FNBP1: variants seen among roughly 807,000 people sequenced by gnomAD.
FNBP1 encodes formin-binding protein 1.
Under a neutral mutation model 90.6 loss-of-function variants are expected in FNBP1, and 26 were observed. The observed-to-expected ratio is 0.29, with a 90% CI of 0.21 to 0.40. The LOEUF is 0.40. Ranked by LOEUF, FNBP1 falls within the 10% of genes least tolerant of loss-of-function variation. The pLI, the probability that FNBP1 is intolerant of heterozygous loss-of-function variation, is 1.00. For synonymous variants in FNBP1, 260 were observed against 265.2 expected, an observed-to-expected ratio of 0.98 and a Z score of 0.19; for missense variants, 635 against 768.0, an observed-to-expected ratio of 0.83 and a Z score of 2.05.
intron 11 of FNBP1, among the ~76,000 whole-genome samples, chr9:129,911,318 GC>G (rs2039237982): frequency 6.6e-6 from 1 of 152,190 alleles, no homozygotes; most frequent in African/African-American, 2.4e-5. Flanking sequence ...TGAGGATCGT[GC>G]CCCATACCCT....
At chr9:129,904,806 T>C (rs1198780535) in intron 12 of FNBP1, among the ~76,000 whole-genome samples, 2 of 152,154 alleles carry the variant, frequency 1.3e-5, no homozygotes, top group Admixed American at 1.3e-4. Context: ...ATGGAAGCTC[T>C]TGGAGGAAGC....
At chr9:129,929,211 A>T (rs764429632) in intron 7 of FNBP1, among the ~76,000 whole-genome samples, 5 of 152,122 alleles carry the variant, frequency 3.3e-5, no homozygotes, top group African/African-American at 4.8e-5. Context: ...TGACTTTGAG[A>T]CCAGCCTGGC....
intron 1 of FNBP1, among the ~76,000 whole-genome samples, chr9:130,001,204 C>T (rs991698947): frequency 1.3e-5 from 2 of 150,772 alleles, no homozygotes; most frequent in South Asian, 2.1e-4. Context: ...TGGTGGCGGT[C>T]GCCTGTAATA....
intron 1 of FNBP1, among the ~76,000 whole-genome samples, chr9:130,033,469 G>A (rs1305940937): frequency 6.6e-6 from 1 of 152,110 alleles, no homozygotes; most frequent in African/African-American, 2.4e-5. Flanking sequence ...TCCTTTACAG[G>A]TCCCAAGTTT....
Position 129,924,012 on chromosome 9 carries a change from T to C in FNBP1, c.1002A>G (p.Leu334=). The change falls in exon 10 of 17, where the codon TTA becomes TTG. Residue 334 remains leucine, a synonymous_variant. Coordinates refer to ENST00000446176, the MANE Select transcript of FNBP1 (RefSeq NM_015033.3). ...FIKKNKLMSL[L]TSPHQPPPPP... ...GAGGGGGAGGCTGATGGGGGGATGT[T>C]AAAAGGGACATAAGCTACATGTAAG... 1 of 1,513,248 alleles carries C rather than the reference T, an allele frequency of 6.6e-7. No individual in the cohort carries two copies. Among genetic ancestry groups the C allele is most frequent in the Non-Finnish European group, 8.8e-7 (1 of 1,133,662 alleles). 93.7% of individuals were successfully genotyped at this position (1,513,248 alleles called of 1,614,324 possible).
chr9:129,978,462 T>C lies in FNBP1; in HGVS notation c.345+3A>G, dbSNP rs1486897621. 12 of 1,612,552 alleles carry C rather than the reference T, an allele frequency of 7.4e-6. No homozygotes were observed. Among genetic ancestry groups the C allele is most frequent in the Non-Finnish European group, 1.0e-5 (12 of 1,178,958 alleles). On this transcript the variant is annotated splice_donor_region_variant and intron_variant, in intron 4 of 16. Coordinates refer to ENST00000446176, the MANE Select transcript of FNBP1 (RefSeq NM_015033.3). ...GGAAGAAAAAGAATAAAGTTTTGCT[T>C]ACTGATTTCCTCTCCTGTTTCAGTT...
At chr9:129,924,446 AGTTAAAGCAGTAAT>A (rs1383590865) in intron 9 of FNBP1, among the ~76,000 whole-genome samples, 5 of 152,402 alleles carry the variant, frequency 3.3e-5, no homozygotes, top group African/African-American at 1.2e-4. Context: ...GTCATTCTAA[AGTTAAAGCAGTAAT>A]GCTGCCTTGA....
chr9:130,014,086 C>T (rs1181606916), intron 1 of FNBP1: 1 of 456,420 alleles, frequency 2.2e-6, no homozygotes, highest in South Asian at 1.5e-5. Context: ...ATGTATTTTA[C>T]TGGTATATTC....
chr9:129,944,924 A>T (rs2044999159), intron 6 of FNBP1, among the ~76,000 whole-genome samples: 1 of 152,160 alleles, frequency 6.6e-6, no homozygotes, highest in African/African-American at 2.4e-5. Flanking sequence ...TTACCATACA[A>T]AAGCCTTTAG....
In FNBP1 at chr9:129,979,394, A is replaced by ATGT; in HGVS notation, c.141-23_141-21dup. On this transcript the variant is annotated intron_variant, in intron 2 of 16. Coordinates refer to ENST00000446176, the MANE Select transcript of FNBP1 (RefSeq NM_015033.3). The stretch of plus-strand genomic sequence containing the variant: ...AGATTCCTGAAATAAAAATGCAGAC[A>ATGT]TGTCAGCTTTATATAGAAAGAGAAT... 1 of 1,551,152 alleles carries ATGT rather than the reference A, an allele frequency of 6.4e-7. No individual in the cohort carries two copies. The highest frequency in any genetic ancestry group is 8.9e-7 in the Non-Finnish European group (1 of 1,126,072).
chr9:130,014,541 C>T (rs1216309311), intron 1 of FNBP1, among the ~76,000 whole-genome samples: 3 of 152,094 alleles, frequency 2.0e-5, no homozygotes, highest in African/African-American at 4.8e-5. Flanking sequence ...CATGAGCCAC[C>T]GTGCCCAGCC....
chr9:129,995,626 T>C (rs2053872797), intron 1 of FNBP1, among the ~76,000 whole-genome samples: 1 of 152,144 alleles, frequency 6.6e-6, no homozygotes, highest in Non-Finnish European at 1.5e-5. Context: ...GGCATGGTGT[T>C]GTACCACTGC....
Position 129,889,637 on chromosome 9 carries a change from C to T in FNBP1, c.*902G>A, listed in dbSNP as rs1021309658. The T allele has an allele frequency of 4.4e-6, 1 of 228,348 alleles. No individual in the cohort carries two copies. Among genetic ancestry groups the T allele is most frequent in the Non-Finnish European group, 8.7e-6 (1 of 115,116 alleles). 14.1% of individuals were successfully genotyped at this position (228,348 alleles called of 1,614,324 possible). ...CTTTTCAGATGCTAATCCTGGGGCT[C>T]CTGGAAAGGAGAGGATGTTCGCTTT... is the stretch of plus-strand genomic sequence containing the variant. On this transcript the variant is annotated 3_prime_UTR_variant, in exon 17 of 17. Transcript: ENST00000446176.
intron 2 of FNBP1, among the ~76,000 whole-genome samples, chr9:129,980,743 G>A (rs2051088591): frequency 6.6e-6 from 1 of 151,008 alleles, no homozygotes; most frequent in African/African-American, 2.4e-5. Context: ...GACTTTAGGT[G>A]ACTATAGTTA....
At chr9:129,954,133 G>C (rs1005045331) in intron 6 of FNBP1, among the ~76,000 whole-genome samples, 5 of 151,960 alleles carry the variant, frequency 3.3e-5, no homozygotes, top group Admixed American at 2.0e-4. Flanking sequence ...GATATATGCA[G>C]CAAAAATTAA....
chr9:129,925,458 C>T (rs1010657322), intron 8 of FNBP1, among the ~76,000 whole-genome samples: 1 of 151,076 alleles, frequency 6.6e-6, no homozygotes, highest in Non-Finnish European at 1.5e-5. Context: ...GTGAGCTGAG[C>T]TCGCGCCACT....
At chr9:129,996,215 C>G (rs2131338124) in intron 1 of FNBP1, among the ~76,000 whole-genome samples, 1 of 152,262 alleles carries the variant, frequency 6.6e-6, no homozygotes, top group South Asian at 2.1e-4. Flanking sequence ...GGATTTAGAA[C>G]TCAAGAAGGG....
chr9:129,932,371 T>C (rs1363181441), intron 6 of FNBP1, among the ~76,000 whole-genome samples: 1 of 152,156 alleles, frequency 6.6e-6, no homozygotes, highest in African/African-American at 2.4e-5. Context: ...GAACATTTAG[T>C]ATTGGCTTTT....
chr9:129,930,742 G>A (rs776038019), intron 6 of FNBP1, among the ~76,000 whole-genome samples: 9 of 152,170 alleles, frequency 5.9e-5, no homozygotes, highest in Admixed American at 2.0e-4. Flanking sequence ...AGGTTGTGCC[G>A]TTAATACCAC....
Sources: allele counts gnomAD v4.1 joint callset (sites outside exome capture counted in the v4.1 genomes callset), GRCh38; gene constraint gnomAD v4.1.1; transcripts MANE v1.5; gene names NCBI Gene and HGNC (gene_info 2026-07-23, HGNC 2026-07-21).